Variants in RORA observed in about 807,000 individuals in gnomAD.
The protein encoded by RORA is nuclear receptor ROR-alpha.
Under a neutral mutation model 69.5 loss-of-function variants are expected in RORA, and 7 were observed. That is an observed-to-expected ratio of 0.10 (90% CI 0.06 to 0.19). The LOEUF is 0.19. Ranked by LOEUF, RORA falls within the 10% of genes least tolerant of loss-of-function variation. RORA has a pLI of 1.00. For missense variants in RORA, 457 were observed against 663.0 expected, an observed-to-expected ratio of 0.69 and a Z score of 3.41; for synonymous variants, 261 against 240.8, an observed-to-expected ratio of 1.08 and a Z score of -0.78.
At chr15:60,909,151 G>A (rs1055472979) in intron 1 of RORA, among the ~76,000 whole-genome samples, 16 of 152,154 alleles carry the variant, frequency 1.1e-4, no homozygotes, top group Admixed American at 6.5e-4. Flanking sequence ...TGGTCCCAGC[G>A]GTGAGCATAA....
intron 1 of RORA, among the ~76,000 whole-genome samples, chr15:60,975,829 C>A (rs1443543875): frequency 1.3e-5 from 2 of 152,216 alleles, no homozygotes; most frequent in East Asian, 3.8e-4. Context: ...TACTTCACAG[C>A]CACCAACACT....
intron 1 of RORA, among the ~76,000 whole-genome samples, chr15:61,063,253 A>T (rs1417722034): frequency 6.6e-6 from 1 of 152,208 alleles, no homozygotes; most frequent in Admixed American, 6.5e-5. Context: ...CACAGAAAAC[A>T]TGGCTTCTCT....
chr15:60,889,358 G>GTC (rs2140456000), intron 1 of RORA, among the ~76,000 whole-genome samples: 1 of 145,848 alleles, frequency 6.9e-6, no homozygotes, highest in East Asian at 2.2e-4. Context: ...GGCGGGGGGG[G>GTC]GGGGAAGGAA....
At chr15:60,626,014 G>A (rs1458155058) in intron 2 of RORA, among the ~76,000 whole-genome samples, 3 of 152,170 alleles carry the variant, frequency 2.0e-5, no homozygotes, top group African/African-American at 4.8e-5. Context: ...GAGCTCCCAC[G>A]TTCTTCCTTC....
intron 1 of RORA, among the ~76,000 whole-genome samples, chr15:61,111,046 A>C (rs1595997649): frequency 6.6e-6 from 1 of 152,058 alleles, no homozygotes; most frequent in Non-Finnish European, 1.5e-5. Context: ...GACCTCCCCC[A>C]AAAAAGGAGA....
At chr15:60,707,391 T>C (rs2071078841) in intron 1 of RORA, among the ~76,000 whole-genome samples, 1 of 146,028 alleles carries the variant, frequency 6.8e-6, no homozygotes, top group Non-Finnish European at 1.5e-5. Context: ...TGAGATGGAG[T>C]CTTGCTCTGT....
At chr15:60,865,757 T>G (rs889066993) in intron 1 of RORA, among the ~76,000 whole-genome samples, 4 of 152,150 alleles carry the variant, frequency 2.6e-5, no homozygotes, top group Admixed American at 1.3e-4. Context: ...ATTGAATGGG[T>G]TGCTTCACCC....
At chr15:60,883,850 T>C (rs547576480) in intron 1 of RORA, among the ~76,000 whole-genome samples, 4 of 152,288 alleles carry the variant, frequency 2.6e-5, no homozygotes, top group East Asian at 3.9e-4. Context: ...CATTCCACGA[T>C]GCAACTGAGG....
chr15:61,187,622 C>A (rs903307275), intron 1 of RORA, among the ~76,000 whole-genome samples: 4 of 152,334 alleles, frequency 2.6e-5, no homozygotes, highest in South Asian at 4.1e-4. Flanking sequence ...ATTAGTCTTA[C>A]ACTGTCAACC....
intron 1 of RORA, among the ~76,000 whole-genome samples, chr15:61,023,199 A>C (rs577482413): frequency 0.01 from 1,320 of 131,210 alleles, 32 homozygotes; most frequent in African/African-American, 0.034. Context: ...AAAAAAAAAA[A>C]AAAAAAAAAA....
At chr15:60,543,738 T>A (rs1378415069) in intron 2 of RORA, among the ~76,000 whole-genome samples, 4 of 152,308 alleles carry the variant, frequency 2.6e-5, no homozygotes, top group Admixed American at 1.3e-4. Context: ...TGCCTTGGCC[T>A]CCCACAGTGC....
At chr15:61,005,860 G>A (rs1236860370) in intron 1 of RORA, among the ~76,000 whole-genome samples, 2 of 152,154 alleles carry the variant, frequency 1.3e-5, no homozygotes, top group African/African-American at 4.8e-5. Context: ...GTGTATGTGT[G>A]TACATGTGCC....
At position 60,916,068 on chromosome 15, in the gene RORA, A is replaced by G. The variant is rs921329783; in HGVS notation, c.167-237382T>C. 6.6e-5 allele frequency among the ~76,000 whole-genome samples: 10 copies of G among 152,328 alleles called. No individual in the cohort carries two copies. The South Asian group carries it at 2.1e-3, about 32-fold the overall frequency. ...CATCTCAAATTGACTGGAAGGAAAG[A>G]AAGGTTTAAAATCCACTGGGTGGGG... On this transcript the variant is annotated intron_variant, in intron 1 of 10. Coordinates refer to ENST00000335670, the MANE Select transcript of RORA (RefSeq NM_134261.3).
At position 61,107,808 on chromosome 15, in the gene RORA, C is replaced by T. The variant is rs115859190; in HGVS notation, c.166+121245G>A. On this transcript the variant is annotated intron_variant, in intron 1 of 10. Transcript: ENST00000335670. The stretch of plus-strand genomic sequence containing the variant: ...CCCTTATTGCAATTTAACAAGACTT[C>T]ACTCTGGCTTAAACCTGGACACCGA... Among the ~76,000 whole-genome samples the T allele has an allele frequency of 5.5e-3, 836 of 152,048 alleles. 7 individuals are homozygous for T. The highest frequency in any genetic ancestry group is 0.019 in the African/African-American group (779 of 41,450).
chr15:60,566,454 TCA>T (rs1202199141), intron 2 of RORA, among the ~76,000 whole-genome samples: 1 of 152,210 alleles, frequency 6.6e-6, no homozygotes, highest in African/African-American at 2.4e-5. Flanking sequence ...TGTTAATTAA[TCA>T]CAGTGCATAC....
chr15:60,759,416 G>A (rs1233190658), intron 1 of RORA, among the ~76,000 whole-genome samples: 1 of 152,136 alleles, frequency 6.6e-6, no homozygotes, highest in Admixed American at 6.5e-5. Flanking sequence ...CCAGGTTGAG[G>A]GGGACATGGG....
intron 1 of RORA, among the ~76,000 whole-genome samples, chr15:60,707,910 C>T (rs769786682): frequency 2.0e-5 from 3 of 152,216 alleles, no homozygotes; most frequent in African/African-American, 7.2e-5. Context: ...TCTTCCAGAT[C>T]TGCTTCTCAT....
At chr15:61,180,482 GTTC>G (rs2079673873) in intron 1 of RORA, among the ~76,000 whole-genome samples, 1 of 152,174 alleles carries the variant, frequency 6.6e-6, no homozygotes, top group Admixed American at 6.5e-5. Context: ...ACCTTGCTGT[GTTC>G]TGCGGCCACA....
chr15:61,031,603 A>G (rs145055432), intron 1 of RORA, among the ~76,000 whole-genome samples: 88 of 152,302 alleles, frequency 5.8e-4, no homozygotes, highest in African/African-American at 1.9e-3. Flanking sequence ...GGTTACAACT[A>G]TATCTACTGA....
Sources: gnomAD v4.1 joint callset for allele counts (sites outside exome capture counted in the v4.1 genomes callset) on GRCh38, gnomAD v4.1.1 for gene constraint, MANE v1.5 for transcripts, NCBI Gene and HGNC (gene_info 2026-07-23, HGNC 2026-07-21) for gene names.